ABCB1: variants seen among roughly 807,000 people sequenced by gnomAD.
The protein encoded by ABCB1 is ATP-dependent translocase ABCB1.
A neutral mutation model predicts 142.0 loss-of-function variants in ABCB1; 69 were observed. The observed-to-expected ratio is 0.49, with a 90% confidence interval of 0.40 to 0.59. The LOEUF is 0.59. Among genes scored for constraint, ABCB1 ranks in the 20% least tolerant of loss-of-function variants. The probability of loss-of-function intolerance (pLI) is 0.00; values close to 1 mark genes in which losing one functional copy is unlikely to be tolerated. For synonymous variants in ABCB1, 532 were observed against 539.2 expected (o/e 0.99, Z 0.18); for missense variants, 1,326 against 1,554.7 (o/e 0.85, Z 2.47).
At chr7:87,661,016 T>TTAATTGTTG (rs1487730500) in intron 1 of ABCB1, among the ~76,000 whole-genome samples, 9 of 152,170 alleles carry the variant, frequency 5.9e-5, no homozygotes, top group African/African-American at 2.2e-4. Context: ...AGATGTATTC[T>TTAATTGTTG]TAATTGTTGA....
chr7:87,504,712 G>A (rs1429588412), intron 27 of ABCB1, among the ~76,000 whole-genome samples: 1 of 151,900 alleles, frequency 6.6e-6, no homozygotes, highest in East Asian at 1.9e-4. Context: ...GGCTGAGGCA[G>A]GAGAATGGTG....
At chr7:87,650,848 G>T (rs753998778) in intron 1 of ABCB1, 1 of 1,610,844 alleles carries the variant, frequency 6.2e-7, no homozygotes, top group African/African-American at 1.3e-5. Context: ...CTGATTGATC[G>T]GTCTTGCTTT....
At chr7:87,607,172 G>A (rs1482065875) in intron 1 of ABCB1, among the ~76,000 whole-genome samples, 1 of 152,104 alleles carries the variant, frequency 6.6e-6, no homozygotes, top group Non-Finnish European at 1.5e-5. Flanking sequence ...ATATAAGTTG[G>A]ATACATGGTT....
chr7:87,569,516 G>GA (rs1457207292), intron 5 of ABCB1, among the ~76,000 whole-genome samples: 2 of 152,044 alleles, frequency 1.3e-5, no homozygotes, highest in Non-Finnish European at 2.9e-5. Flanking sequence ...TGTGAGTTAA[G>GA]AATAGAGAGA....
At chr7:87,665,544 T>G (rs1052445956) in intron 1 of ABCB1, among the ~76,000 whole-genome samples, 2 of 152,134 alleles carry the variant, frequency 1.3e-5, no homozygotes, top group South Asian at 4.1e-4. Context: ...CAGTATTTCC[T>G]TTTTTAAACT....
intron 3 of ABCB1, among the ~76,000 whole-genome samples, chr7:87,592,984 G>A (rs1819057334): frequency 6.7e-6 from 1 of 148,802 alleles, no homozygotes; most frequent in Non-Finnish European, 1.5e-5. Context: ...CTAGAGTGCA[G>A]TAGCACAATC....
chr7:87,692,106 G>A (rs1412100159), intron 1 of ABCB1, among the ~76,000 whole-genome samples: 1 of 152,042 alleles, frequency 6.6e-6, no homozygotes, highest in Non-Finnish European at 1.5e-5. Context: ...CAGCCAAAAT[G>A]AAAATCAGGG....
intron 1 of ABCB1, chr7:87,628,616 TG>T (rs1762329508): frequency 1.3e-5 from 4 of 315,328 alleles, no homozygotes; most frequent in African/African-American, 6.7e-5. Flanking sequence ...TGTGTGTGTG[TG>T]TGTGTGTGGA....
At chr7:87,560,845 T>C (rs879561631) in intron 8 of ABCB1, among the ~76,000 whole-genome samples, 2 of 152,148 alleles carry the variant, frequency 1.3e-5, no homozygotes, top group African/African-American at 2.4e-5. Context: ...TGCTTTTTGG[T>C]TATATTTTTA....
intron 1 of ABCB1, among the ~76,000 whole-genome samples, chr7:87,606,235 C>A (rs1350012559): frequency 6.6e-6 from 1 of 152,030 alleles, no homozygotes; most frequent in African/African-American, 2.4e-5. Flanking sequence ...CTGAAATATT[C>A]ATGCTAACTA....
At chr7:87,504,674 G>GGCA (rs1446309328) in intron 27 of ABCB1, among the ~76,000 whole-genome samples, 3 of 152,006 alleles carry the variant, frequency 2.0e-5, no homozygotes, top group Non-Finnish European at 4.4e-5. Context: ...GCTTGGTGGT[G>GGCA]GGTGCCTGTA....
intron 4 of ABCB1, among the ~76,000 whole-genome samples, chr7:87,581,776 G>T (rs1474604730): frequency 1.3e-5 from 2 of 152,176 alleles, no homozygotes; most frequent in African/African-American, 4.8e-5. Flanking sequence ...GCTTTCAAGA[G>T]CCTCCGCAAG....
Position 87,544,182 on chromosome 7 carries a change from T to A in ABCB1, c.2158A>T (p.Ile720Leu), listed in dbSNP as rs1020594116. 5 of 1,613,878 alleles carry A rather than the reference T, an allele frequency of 3.1e-6. No homozygotes were observed. Among genetic ancestry groups the A allele is most frequent in the East Asian group, 4.5e-5 (2 of 44,854 alleles). Residue 720 changes from isoleucine to leucine, a missense_variant, in exon 17 of 28, where the codon ATA becomes TTA. Coordinates refer to ENST00000622132, the MANE Select transcript of ABCB1 (RefSeq NM_001348946.2). Reference protein sequence around the residue: ...YFVVGVFCAIINGGLQPAFAI... With the variant: ...YFVVGVFCAILNGGLQPAFAI... ...AATGCTGGTTGCAGGCCTCCATTTA[T>A]AATGGCACAAAATACACCAACAACA...
chr7:87,703,885 CTTTTTTTTTTTT>C lies in ABCB1; in HGVS notation c.-331+9264_-331+9275del. On this transcript the variant is annotated intron_variant, in intron 1 of 28. Transcript: ENST00000265724. ...CTTAGGTGAGCTTTATCAGTTTTTTCTTTTTTTTTTTTTTTTTTTTTTTTTTTGGTTTTTTTT... is the reference window on the plus strand; with the variant it reads ...CTTAGGTGAGCTTTATCAGTTTTTTCTTTTTTTTTTTTTTTGGTTTTTTTT... Among the ~76,000 whole-genome samples, 7 of 60,296 alleles carry C rather than the reference CTTTTTTTTTTTT, an allele frequency of 1.2e-4. No homozygotes were observed. In the Admixed American group the frequency reaches 1.2e-3, roughly 10 times the overall value. The allele number at this position is 60,296 out of a possible 152,430, so 39.6% of individuals were successfully genotyped here. A position where few individuals can be genotyped will look rare whatever the true frequency, so the allele number is the denominator to read the frequency against.
chr7:87,672,166 C>T (rs1481990271), intron 1 of ABCB1, among the ~76,000 whole-genome samples: 2 of 152,208 alleles, frequency 1.3e-5, no homozygotes, highest in Non-Finnish European at 2.9e-5. Flanking sequence ...TCTGTGTTGT[C>T]TGGAGAACAC....
At chr7:87,537,412 T>C (rs1816346659) in intron 19 of ABCB1, among the ~76,000 whole-genome samples, 1 of 152,188 alleles carries the variant, frequency 6.6e-6, no homozygotes, top group Admixed American at 6.5e-5. Context: ...TTTAGGTGAA[T>C]CTACAGGATT....
At chr7:87,677,274 A>AACACACACAC (rs57009840) in intron 1 of ABCB1, among the ~76,000 whole-genome samples, 46 of 135,898 alleles carry the variant, frequency 3.4e-4, no homozygotes, top group African/African-American at 1.2e-3. Flanking sequence ...CAGTGTATAT[A>AACACACACAC]ACACACACAC....
In ABCB1 at chr7:87,545,870, G is replaced by A; in HGVS notation, c.1880C>T (p.Thr627Ile). 6.2e-7 allele frequency: 1 copy of A among 1,614,044 alleles called. No homozygotes were observed. The highest frequency in any genetic ancestry group is 8.5e-7 in the Non-Finnish European group (1 of 1,179,982). The part of the protein sequence containing the change: ...KEKGIYFKLV[T>I]MQTAGNEVEL... ...TCTGAAGTTAAACTATACCTGCATT[G>A]TGACAAGTTTGAAGTAAATGCCTTT... Residue 627 changes from threonine to isoleucine, a missense_variant, in exon 15 of 28, where the codon ACA becomes ATA. Coordinates refer to ENST00000622132, the MANE Select transcript of ABCB1 (RefSeq NM_001348946.2).
In ABCB1 at chr7:87,527,198, G is replaced by A. The variant is rs114280758; in HGVS notation, c.2685+4096C>T. Among the ~76,000 whole-genome samples the A allele has an allele frequency of 6.6e-3, 1,010 of 152,118 alleles. 16 individuals carry two copies. Among genetic ancestry groups the A allele is most frequent in the African/African-American group, 0.022 (932 of 41,514 alleles). On this transcript the variant is annotated intron_variant, in intron 21 of 27. Coordinates refer to ENST00000622132, the MANE Select transcript of ABCB1 (RefSeq NM_001348946.2). ...AAACCATCCTTTGCTGGCATTAAAT[G>A]ACCCAGCTCTGATCCTTAATCTTAC...
Sources: gnomAD v4.1 joint callset for allele counts (sites outside exome capture counted in the v4.1 genomes callset) on GRCh38, gnomAD v4.1.1 for gene constraint, MANE v1.5 for transcripts, NCBI Gene and HGNC (gene_info 2026-07-23, HGNC 2026-07-21) for gene names.